Variants in CNDP2 observed in about 807,000 individuals in gnomAD.
CNDP2 encodes the protein carnosine dipeptidase 2.
Under a neutral mutation model 55.0 loss-of-function variants are expected in CNDP2, and 38 were observed. The observed-to-expected ratio is 0.69, with a 90% CI of 0.53 to 0.90. The LOEUF (loss-of-function observed/expected upper bound fraction) is 0.90. CNDP2 is among the 40% of genes least tolerant of loss of function. The pLI, the probability that CNDP2 is intolerant of heterozygous loss-of-function variation, is 0.00. For missense variants in CNDP2, 607 were observed against 621.7 expected, an observed-to-expected ratio of 0.98 and a Z score of 0.25; for synonymous variants, 241 against 260.2, an observed-to-expected ratio of 0.93 and a Z score of 0.71.
At position 74,516,335 on chromosome 18, in the gene CNDP2, T is replaced by C; in HGVS notation, c.1011T>C (p.Val337=). The change falls in exon 9 of 12, where the codon GTT becomes GTC. Residue 337 remains valine (V), a synonymous_variant. Transcript: ENST00000324262. ...GAKTVIPRKV[V]GKFSIRLVPN... ...AGACCGTGATTCCCAGGAAGGTGGT[T>C]GGCAAGTTCTCCATCAGGCTCGTGC... 2 of 1,614,090 alleles carry C rather than the reference T, an allele frequency of 1.2e-6. No individual in the cohort carries two copies. The highest frequency in any genetic ancestry group is 1.7e-6 in the Non-Finnish European group (2 of 1,179,992).
At chr18:74,504,720 T>C (rs1978913287) in intron 3 of CNDP2, 1 of 152,264 alleles carries the variant, frequency 6.6e-6, no homozygotes. Context: ...ATGTATGTCA[T>C]GTTTTAGTAT....
chr18:74,514,530 TGCAGGC>T (rs1329628868), intron 8 of CNDP2, among the ~76,000 whole-genome samples: 12 of 140,476 alleles, frequency 8.5e-5, no homozygotes, highest in Non-Finnish European at 1.9e-4. Context: ...ATGTAAGTTC[TGCAGGC>T]TATAGGTTTA....
At chr18:74,519,210 G>A (rs368428254) in intron 11 of CNDP2, 114 bp downstream of exon 11, 95 of 1,321,244 alleles carry the variant, frequency 7.2e-5, no homozygotes, top group African/African-American at 1.0e-4. Context: ...TGATGGCCCC[G>A]TGACCTGCCC....
Position 74,510,836 on chromosome 18 carries a change from C to A in CNDP2, c.480C>A (p.Phe160Leu). 6.2e-7 allele frequency: 1 copy of A among 1,614,042 alleles called. No individual in the cohort carries two copies. Among genetic ancestry groups the A allele is most frequent in the South Asian group, 1.1e-5 (1 of 91,066 alleles). ...TGQEIPVNVR[F>L]CLEGMEESGS... ...AGGAGATTCCTGTCAACGTCCGATT[C>A]TGCCTCGAAGGCATGGAGGAGTCAG... The change falls in exon 6 of 12, where the codon TTC becomes TTA. Residue 160 changes from phenylalanine to leucine, a missense_variant. Phe to Leu is a conservative substitution (Grantham distance 22, BLOSUM62 0). Transcript: ENST00000324262.
At chr18:74,506,304 T>C (rs1979022545) in intron 4 of CNDP2, among the ~76,000 whole-genome samples, 1 of 151,914 alleles carries the variant, frequency 6.6e-6, no homozygotes, top group Non-Finnish European at 1.5e-5. Flanking sequence ...CTGGCTAGTT[T>C]TTTTATTTTT....
intron 7 of CNDP2, 63 bp from the exon 8 acceptor site, chr18:74,513,496 A>G: frequency 6.6e-7 from 1 of 1,521,966 alleles, no homozygotes; most frequent in African/African-American, 1.4e-5. Context: ...TCGGTGCAGG[A>G]AAGAGCAGCT....
At chr18:74,502,270 C>T (rs980564394) in intron 3 of CNDP2, among the ~76,000 whole-genome samples, 1 of 152,182 alleles carries the variant, frequency 6.6e-6, no homozygotes, top group Non-Finnish European at 1.5e-5. Flanking sequence ...AATGAACAGT[C>T]TCACTTTGTG....
chr18:74,518,856 A>C, intron 10 of CNDP2, 93 bp from the exon 11 acceptor site: 1 of 1,557,436 alleles, frequency 6.4e-7, no homozygotes, highest in Non-Finnish European at 8.8e-7. Context: ...CTTGCACAGC[A>C]TCTGACTGAG....
intron 5 of CNDP2, among the ~76,000 whole-genome samples, chr18:74,510,119 G>A (rs758531035): frequency 6.6e-6 from 1 of 152,226 alleles, no homozygotes; most frequent in Non-Finnish European, 1.5e-5. Flanking sequence ...CAGAGGTCCT[G>A]TGGAAGATTT....
Position 74,506,046 on chromosome 18 carries a change from AGGCAC to A in CNDP2, c.367+36_367+40del. The A allele has an allele frequency of 2.0e-6, 3 of 1,517,038 alleles. No individual in the cohort carries two copies. The South Asian group carries it at 4.0e-5, about 20-fold the overall frequency. 94.0% of individuals were successfully genotyped at this position (1,517,038 alleles called of 1,614,324 possible). Reference sequence around the variant, plus strand: ...GCGCGCCTATGCGTGCCCAGAGGAAAGGCACTGACTTTTGGAAAGTCATTGCTAGT... The same window carrying A: ...GCGCGCCTATGCGTGCCCAGAGGAAATGACTTTTGGAAAGTCATTGCTAGT... On this transcript the variant is annotated intron_variant, in intron 4 of 11. Coordinates refer to ENST00000324262, the MANE Select transcript of CNDP2 (RefSeq NM_018235.3).
chr18:74,501,574 C>T, intron 3 of CNDP2, 102 bp downstream of exon 3: 1 of 1,414,188 alleles, frequency 7.1e-7, no homozygotes, highest in Non-Finnish European at 9.5e-7. Context: ...CTTCACATAC[C>T]CCACTCACCT....
chr18:74,517,381 C>A (rs569010583), intron 9 of CNDP2: 1 of 152,320 alleles, frequency 6.6e-6, no homozygotes, highest in Admixed American at 6.5e-5. Flanking sequence ...GCCCGCAGCT[C>A]ATCTGCAGGT....
chr18:74,504,116 C>T (rs536502125), intron 3 of CNDP2, among the ~76,000 whole-genome samples: 19 of 147,730 alleles, frequency 1.3e-4, no homozygotes, highest in African/African-American at 7.5e-5. Flanking sequence ...TCAGGCCACA[C>T]GCCACACACG....
At chr18:74,519,222 C>T (rs1979912977) in intron 11 of CNDP2, 126 bp downstream of exon 11, 22 of 1,247,592 alleles carry the variant, frequency 1.8e-5, no homozygotes, top group Admixed American at 2.9e-5. Flanking sequence ...GACCTGCCCT[C>T]CTGTATTTGT....
rs1467206147 is a variant in CNDP2 at position 74,520,091 on chromosome 18, T to G, written c.*23T>G. 5 of 1,612,962 alleles carry G rather than the reference T, an allele frequency of 3.1e-6. No homozygotes were observed. In the Admixed American group the frequency reaches 6.7e-5, roughly 22 times the overall value. On this transcript the variant is annotated 3_prime_UTR_variant, in exon 12 of 12. Coordinates refer to ENST00000324262, the MANE Select transcript of CNDP2 (RefSeq NM_018235.3). ...TAGGCCAAGCCCTCTGTGTGCCATC[T>G]CCAATGAGAAGGAATCCTGCCCTCA...
rs1162306609 is a variant in CNDP2, at chr18:74,511,005, T to C, written c.649T>C (p.Phe217Leu). Residue 217 changes from phenylalanine (F) to leucine (L), a missense_variant, in exon 6 of 12, where the codon TTC becomes CTC. By Grantham distance (22) the Phe-to-Leu change is conservative. Transcript: ENST00000324262. ...CGGCCTCAGGGGCATTTGCTACTTT[T>C]TCATCGAGGTACAGTGCCAAGCTGT... ...TYGLRGICYF[F>L]IEVECSNKDL... 6.2e-7 allele frequency: 1 copy of C among 1,613,930 alleles called. No homozygotes were observed. Among genetic ancestry groups the C allele is most frequent in the East Asian group, 2.2e-5 (1 of 44,884 alleles).
intron 7 of CNDP2, 102 bp downstream of exon 7, chr18:74,512,634 T>C: frequency 1.1e-6 from 1 of 939,536 alleles, no homozygotes; most frequent in Non-Finnish European, 1.6e-6. Context: ...GCATTCCACA[T>C]GAACCAACTT....
intron 7 of CNDP2, 122 bp from the exon 8 acceptor site, chr18:74,513,437 G>C (rs1487353760): frequency 9.5e-7 from 1 of 1,052,914 alleles, no homozygotes; most frequent in African/African-American, 1.6e-5. Context: ...CCTCAGCCAC[G>C]TGGCTGTGGG....
chr18:74,509,274 G>A (rs1979208881), intron 5 of CNDP2: 2 of 241,954 alleles, frequency 8.3e-6, no homozygotes, highest in African/African-American at 2.2e-5. Flanking sequence ...CATCACACAG[G>A]CCCCTCACTG....
Sources: gnomAD v4.1 joint callset for allele counts (sites outside exome capture counted in the v4.1 genomes callset) on GRCh38, gnomAD v4.1.1 for gene constraint, MANE v1.5 for transcripts, NCBI Gene and HGNC (gene_info 2026-07-23, HGNC 2026-07-21) for gene names.